Variants in KATNBL1 observed in about 807,000 individuals in gnomAD.
KATNBL1 encodes the protein katanin regulatory subunit B1 like 1.
KATNBL1 carries 28 observed loss-of-function variants against 44.7 expected under a neutral mutation model. That is an observed-to-expected ratio of 0.63 (90% CI 0.46 to 0.86). The LOEUF (loss-of-function observed/expected upper bound fraction) is 0.86, where lower values mean the gene tolerates loss of function less well. Among genes scored for constraint, KATNBL1 ranks in the 40% least tolerant of loss-of-function variants. KATNBL1 has a pLI of 0.00. For synonymous variants in KATNBL1, 78 were observed against 114.9 expected (o/e 0.68, Z 2.06); for missense variants, 272 against 350.7 (o/e 0.78, Z 1.79).
chr15:34,152,338 G>A (rs1189786508), intron 4 of KATNBL1, among the ~76,000 whole-genome samples: 1 of 152,026 alleles, frequency 6.6e-6, no homozygotes, highest in Non-Finnish European at 1.5e-5. Context: ...TGAGTAGCTG[G>A]GATTACAGGC....
intron 9 of KATNBL1, among the ~76,000 whole-genome samples, chr15:34,144,261 TG>T (rs1888243832): frequency 6.6e-6 from 1 of 151,922 alleles, no homozygotes; most frequent in Non-Finnish European, 1.5e-5. Context: ...GAACTTATCT[TG>T]GAGTAGAAGC....
chr15:34,144,075 A>AT (rs11433715), intron 9 of KATNBL1, among the ~76,000 whole-genome samples: 82,312 of 147,920 alleles, frequency 0.56, 23,626 homozygotes, highest in East Asian at 0.7. Context: ...TATCTGAGAA[A>AT]TTTTTTTTTT....
chr15:34,150,645 GGTTT>G (rs1295136476), intron 4 of KATNBL1, among the ~76,000 whole-genome samples: 4 of 152,204 alleles, frequency 2.6e-5, no homozygotes, highest in Admixed American at 2.6e-4. Context: ...CACATGTGCA[GGTTT>G]GTTATATAGG....
intron 2 of KATNBL1, among the ~76,000 whole-genome samples, chr15:34,162,398 A>G (rs1888834459): frequency 6.6e-6 from 1 of 152,132 alleles, no homozygotes; most frequent in Non-Finnish European, 1.5e-5. Flanking sequence ...GCCTTCCGAC[A>G]TGATTGTGAG....
intron 4 of KATNBL1, 56 bp from the exon 5 acceptor site, chr15:34,148,806 A>AC: frequency 1.0e-6 from 1 of 970,592 alleles, no homozygotes; most frequent in Non-Finnish European, 1.6e-6. Flanking sequence ...GTATGAAACT[A>AC]TTTTTTTATT....
At chr15:34,199,828 GACGGAAAGAACAAAGT>G (rs11276361) in intron 1 of KATNBL1, 148,423 of 151,860 alleles carry the variant, frequency 0.98, 72,615 homozygotes, top group East Asian at 1. Context: ...TTATTGTGAA[GACGGAAAGAACAAAGT>G]ACGGAAAGAA....
intron 4 of KATNBL1, among the ~76,000 whole-genome samples, chr15:34,151,244 A>C (rs1274246975): frequency 6.6e-6 from 1 of 152,222 alleles, no homozygotes; most frequent in East Asian, 1.9e-4. Context: ...CCTTGCCAGA[A>C]TCTATTATTT....
intron 1 of KATNBL1, among the ~76,000 whole-genome samples, chr15:34,200,636 A>G (rs140957744): frequency 6.0e-4 from 91 of 152,342 alleles, no homozygotes; most frequent in Admixed American, 1.1e-3. Context: ...AAGCAGATCA[A>G]GCATGAAAAT....
chr15:34,204,116 T>A (rs1890235673), intron 1 of KATNBL1, among the ~76,000 whole-genome samples: 1 of 151,092 alleles, frequency 6.6e-6, no homozygotes, highest in African/African-American at 2.4e-5. Flanking sequence ...GCCAGAAAGT[T>A]AAGACTCCCC....
rs577026570 is a variant in KATNBL1, at chr15:34,179,622, T to TTG, written c.-14-15933_-14-15932insCA. ...TAGCCAAGACTATAGGCACACAACA[T>TTG]CCCACCTGGCAAGCAACAGTATTTT... On this transcript the variant is annotated intron_variant, in intron 1 of 9. Coordinates refer to ENST00000256544, the MANE Select transcript of KATNBL1 (RefSeq NM_024713.3). 6.8e-4 allele frequency among the ~76,000 whole-genome samples: 104 copies of TTG among 152,140 alleles called. No individual in the cohort carries two copies. In the South Asian group the frequency reaches 0.022, roughly 32 times the overall value.
chr15:34,207,950 C>T (rs1483903839), intron 1 of KATNBL1, among the ~76,000 whole-genome samples: 1 of 152,124 alleles, frequency 6.6e-6, no homozygotes, highest in Non-Finnish European at 1.5e-5. Context: ...GTTAGTTTTT[C>T]GCAGAAGCTT....
At chr15:34,154,452 C>T (rs1183712122) in intron 3 of KATNBL1, among the ~76,000 whole-genome samples, 192 bp downstream of exon 3, 2 of 152,088 alleles carry the variant, frequency 1.3e-5, no homozygotes, top group Non-Finnish European at 2.9e-5. Context: ...ATAGAGTAGG[C>T]TATAGAGTAG....
At chr15:34,180,903 A>G (rs955355181) in intron 1 of KATNBL1, among the ~76,000 whole-genome samples, 1 of 152,184 alleles carries the variant, frequency 6.6e-6, no homozygotes, top group African/African-American at 2.4e-5. Flanking sequence ...CTCCAAAAAA[A>G]ACCAAACCAA....
intron 1 of KATNBL1, among the ~76,000 whole-genome samples, chr15:34,201,335 G>A (rs1248204621): frequency 6.6e-6 from 1 of 152,216 alleles, no homozygotes; most frequent in Admixed American, 6.5e-5. Context: ...TAAAAAGTGT[G>A]TGTCTGTGAG....
chr15:34,198,152 G>A (rs183276462), intron 1 of KATNBL1: 1 of 152,242 alleles, frequency 6.6e-6, no homozygotes, highest in East Asian at 1.9e-4. Flanking sequence ...CTTATGTAAA[G>A]GAATATGAAA....
chr15:34,141,569 A>G lies in KATNBL1; in HGVS notation c.*770T>C, dbSNP rs1326207676. ...TTCACCTTTTTCCTTAGATAGGGAT[A>G]ACACATTCATACATGACATGATGAT... On this transcript the variant is annotated 3_prime_UTR_variant, in exon 10 of 10. Coordinates refer to ENST00000256544, the MANE Select transcript of KATNBL1 (RefSeq NM_024713.3). 1 of 152,596 alleles carries G rather than the reference A, an allele frequency of 6.6e-6. No homozygotes were observed. The highest frequency in any genetic ancestry group is 6.5e-5 in the Admixed American group (1 of 15,274). The allele number at this position is 152,596 out of a possible 1,614,324, so 9.5% of individuals were successfully genotyped here.
At chr15:34,193,239 A>AAAACG (rs1428088602) in intron 1 of KATNBL1, among the ~76,000 whole-genome samples, 1 of 115,826 alleles carries the variant, frequency 8.6e-6, no homozygotes, top group Non-Finnish European at 2.1e-5. Flanking sequence ...AAAAAAACAA[A>AAAACG]AAAAAAACTT....
intron 2 of KATNBL1, among the ~76,000 whole-genome samples, chr15:34,162,911 G>A (rs1303009268): frequency 6.6e-6 from 1 of 152,200 alleles, no homozygotes; most frequent in Non-Finnish European, 1.5e-5. Flanking sequence ...ACCATGCCTG[G>A]CCTAAATGTG....
intron 1 of KATNBL1, among the ~76,000 whole-genome samples, chr15:34,195,025 A>T (rs562830828): frequency 1.2e-4 from 19 of 152,352 alleles, no homozygotes; most frequent in African/African-American, 1.7e-4. Context: ...ACCTCTATGG[A>T]AAACAGCACA....
Sources: gnomAD v4.1 joint callset for allele counts (sites outside exome capture counted in the v4.1 genomes callset) on GRCh38, gnomAD v4.1.1 for gene constraint, MANE v1.5 for transcripts, NCBI Gene and HGNC (gene_info 2026-07-23, HGNC 2026-07-21) for gene names.